Variants in ADGRL2 observed in about 807,000 individuals in gnomAD.
The protein encoded by ADGRL2 is calcium-independent alpha-latrotoxin receptor 2.
Under a neutral mutation model 157.4 loss-of-function variants are expected in ADGRL2, and 44 were observed. The ratio of observed to expected loss-of-function variants is 0.28; its 90% CI spans 0.22 to 0.36. The LOEUF is 0.36. ADGRL2 is among the 10% of genes least tolerant of loss of function. The pLI is 1.00. For synonymous variants in ADGRL2, 585 were observed against 624.7 expected (o/e 0.94, Z 0.95); for missense variants, 1,510 against 1,768.9 (o/e 0.85, Z 2.63).
chr1:81,359,699 G>T (rs1348617159), intron 1 of ADGRL2, among the ~76,000 whole-genome samples: 1 of 151,802 alleles, frequency 6.6e-6, no homozygotes, highest in Admixed American at 6.6e-5. Context: ...ATAGCTAATA[G>T]ACATCTCAAA....
intron 3 of ADGRL2, among the ~76,000 whole-genome samples, chr1:81,593,269 G>A (rs1175859537): frequency 6.6e-6 from 1 of 152,128 alleles, no homozygotes; most frequent in Non-Finnish European, 1.5e-5. Flanking sequence ...CTATCACCTG[G>A]CGCTCACTAT....
intron 3 of ADGRL2, among the ~76,000 whole-genome samples, chr1:81,621,966 A>G (rs2081800713): frequency 6.6e-6 from 1 of 152,184 alleles, no homozygotes; most frequent in South Asian, 2.1e-4. Context: ...TGCAATAATG[A>G]GTGGTTCCAC....
chr1:81,882,016 T>C (rs2094001477), intron 2 of ADGRL2, among the ~76,000 whole-genome samples: 1 of 152,194 alleles, frequency 6.6e-6, no homozygotes, highest in Non-Finnish European at 1.5e-5. Context: ...CTCTCTTCTT[T>C]CCTGGTATGC....
At chr1:81,518,481 G>T in intron 2 of ADGRL2, among the ~76,000 whole-genome samples, 1 of 152,192 alleles carries the variant, frequency 6.6e-6, no homozygotes, top group Admixed American at 6.5e-5. Context: ...AATGGGAATT[G>T]TTGGCTATGC....
intron 1 of ADGRL2, among the ~76,000 whole-genome samples, chr1:81,342,971 A>G (rs1662183668): frequency 6.6e-6 from 1 of 152,168 alleles, no homozygotes; most frequent in South Asian, 2.1e-4. Context: ...GTATGCAAGT[A>G]ACTTTTTTTC....
intron 2 of ADGRL2, among the ~76,000 whole-genome samples, chr1:81,447,524 A>C (rs2077620294): frequency 6.6e-6 from 1 of 152,216 alleles, no homozygotes; most frequent in African/African-American, 2.4e-5. Context: ...TGTTAAAAAT[A>C]CATGGCAGGG....
At chr1:81,640,644 TA>T (rs1221130888) in intron 3 of ADGRL2, among the ~76,000 whole-genome samples, 1 of 149,368 alleles carries the variant, frequency 6.7e-6, no homozygotes, top group Non-Finnish European at 1.5e-5. Context: ...AATAAATAAA[TA>T]AATAAATAAA....
At chr1:81,441,987 C>A (rs531227579) in intron 1 of ADGRL2, among the ~76,000 whole-genome samples, 64 of 152,250 alleles carry the variant, frequency 4.2e-4, no homozygotes, top group African/African-American at 1.5e-3. Context: ...ATGCACACTA[C>A]CATGCCTGGT....
At chr1:81,897,527 G>T (rs747963051) in intron 2 of ADGRL2, among the ~76,000 whole-genome samples, 25 of 152,138 alleles carry the variant, frequency 1.6e-4, no homozygotes, top group Non-Finnish European at 3.2e-4. Context: ...TTAGGTAGGA[G>T]AAATTAATTT....
At chr1:81,810,466 A>G (rs1248092120) in intron 1 of ADGRL2, among the ~76,000 whole-genome samples, 1 of 151,820 alleles carries the variant, frequency 6.6e-6, no homozygotes, top group Non-Finnish European at 1.5e-5. Flanking sequence ...CTACCATTTT[A>G]TAGTGTTTGC....
chr1:81,763,738 G>A (rs1165891402), intron 2 of ADGRL2, among the ~76,000 whole-genome samples: 1 of 146,962 alleles, frequency 6.8e-6, no homozygotes, highest in Non-Finnish European at 1.5e-5. Context: ...TAAAAAATAG[G>A]GGCTAGGCGC....
At chr1:81,855,427 C>T (rs1023476007) in intron 2 of ADGRL2, among the ~76,000 whole-genome samples, 1 of 152,076 alleles carries the variant, frequency 6.6e-6, no homozygotes, top group African/African-American at 2.4e-5. Context: ...GGCCACAGAG[C>T]GAGGCCCTGT....
intron 11 of ADGRL2, among the ~76,000 whole-genome samples, chr1:81,965,331 T>C (rs546174905): frequency 7.2e-5 from 11 of 152,318 alleles, no homozygotes; most frequent in Admixed American, 5.2e-4. Flanking sequence ...ATGATTGTGT[T>C]CCAATAAAAC....
intron 3 of ADGRL2, among the ~76,000 whole-genome samples, chr1:81,602,050 A>G (rs2081342630): frequency 6.6e-6 from 1 of 152,198 alleles, no homozygotes; most frequent in African/African-American, 2.4e-5. Flanking sequence ...CTGCAAACAC[A>G]AATGAAGACC....
At chr1:81,386,761 C>T (rs1362374231) in intron 1 of ADGRL2, among the ~76,000 whole-genome samples, 1 of 152,112 alleles carries the variant, frequency 6.6e-6, no homozygotes, top group Non-Finnish European at 1.5e-5. Flanking sequence ...ATAGAATATA[C>T]TTTCAAATTG....
intron 11 of ADGRL2, among the ~76,000 whole-genome samples, chr1:81,961,495 G>A (rs903448011): frequency 2.9e-5 from 4 of 139,110 alleles, no homozygotes; most frequent in African/African-American, 1.1e-4. Context: ...AAATGTAATT[G>A]TATAATTTTC....
intron 2 of ADGRL2, among the ~76,000 whole-genome samples, chr1:81,452,235 T>C (rs964879162): frequency 6.6e-6 from 1 of 152,218 alleles, no homozygotes; most frequent in Non-Finnish European, 1.5e-5. Context: ...ATAATTACTA[T>C]GCATCTCATT....
At chr1:81,573,994 G>C (rs893822149) in intron 2 of ADGRL2, among the ~76,000 whole-genome samples, 1 of 152,038 alleles carries the variant, frequency 6.6e-6, no homozygotes, top group African/African-American at 2.4e-5. Flanking sequence ...GCTATTCCTG[G>C]GGCGTCTGCT....
intron 3 of ADGRL2, among the ~76,000 whole-genome samples, chr1:81,910,794 A>G (rs1032135419): frequency 1.3e-5 from 2 of 151,574 alleles, no homozygotes; most frequent in Admixed American, 6.6e-5. Flanking sequence ...TCCCCTTTAT[A>G]TTTCTCAAAA....
Sources: gnomAD v4.1 joint callset for allele counts (sites outside exome capture counted in the v4.1 genomes callset) on GRCh38, gnomAD v4.1.1 for gene constraint, MANE v1.5 for transcripts, NCBI Gene and HGNC (gene_info 2026-07-23, HGNC 2026-07-21) for gene names.